The following PEX5L variants were observed in gnomAD, a reference collection of about 807,000 sequenced individuals.
PEX5L encodes PEX5-related protein.
PEX5L carries 30 observed loss-of-function variants against 84.0 expected under a neutral mutation model. That is an observed-to-expected ratio of 0.36 (90% confidence interval 0.27 to 0.48). The LOEUF (loss-of-function observed/expected upper bound fraction) is 0.48, where lower values mean the gene tolerates loss of function less well. Ranked by LOEUF, PEX5L falls within the 20% of genes least tolerant of loss-of-function variation. The pLI is 0.99. For synonymous variants in PEX5L, 270 were observed against 283.1 expected, an observed-to-expected ratio of 0.95 and a Z score of 0.46; for missense variants, 533 against 754.6, an observed-to-expected ratio of 0.71 and a Z score of 3.44.
intron 2 of PEX5L, among the ~76,000 whole-genome samples, chr3:179,905,653 A>AT (rs35967860): frequency 0.16 from 23,527 of 147,288 alleles, 1,917 homozygotes; most frequent in South Asian, 0.31. Flanking sequence ...AGTTCTTGCC[A>AT]TTTTTTTTTT....
chr3:179,943,459 T>C (rs1253681176), intron 2 of PEX5L, among the ~76,000 whole-genome samples: 1 of 152,246 alleles, frequency 6.6e-6, no homozygotes, highest in East Asian at 1.9e-4. Flanking sequence ...TTATCCAAAG[T>C]ATTTAAATGT....
At chr3:179,981,508 C>T (rs1025318742) in intron 1 of PEX5L, among the ~76,000 whole-genome samples, 10 of 152,138 alleles carry the variant, frequency 6.6e-5, no homozygotes, top group African/African-American at 2.2e-4. Flanking sequence ...TCATTCATCA[C>T]TTTGTGTATC....
At chr3:180,027,282 C>T (rs1285127259) in intron 1 of PEX5L, among the ~76,000 whole-genome samples, 2 of 152,204 alleles carry the variant, frequency 1.3e-5, no homozygotes, top group Non-Finnish European at 2.9e-5. Flanking sequence ...CTGGACCCTT[C>T]ACCCCTAGCC....
chr3:179,900,421 A>C (rs978419615), intron 2 of PEX5L, among the ~76,000 whole-genome samples: 12 of 152,184 alleles, frequency 7.9e-5, no homozygotes, highest in African/African-American at 2.9e-4. Context: ...AAAAAATTTC[A>C]GGTCAATTTT....
At chr3:179,879,647 T>C (rs778888996) in intron 5 of PEX5L, among the ~76,000 whole-genome samples, 6 of 152,234 alleles carry the variant, frequency 3.9e-5, no homozygotes, top group Admixed American at 2.0e-4. Context: ...GCACATTTTA[T>C]CTTTATTTGT....
intron 1 of PEX5L, among the ~76,000 whole-genome samples, chr3:180,013,916 A>T (rs1303596232): frequency 6.6e-6 from 1 of 152,130 alleles, no homozygotes; most frequent in Non-Finnish European, 1.5e-5. Flanking sequence ...TCAAATTTTA[A>T]TTTTTTCATT....
intron 7 of PEX5L, among the ~76,000 whole-genome samples, chr3:179,872,170 C>T (rs1323473531): frequency 1.3e-5 from 2 of 152,216 alleles, no homozygotes; most frequent in Admixed American, 1.3e-4. Context: ...AGGCGTGAGC[C>T]ACTGTGCTCA....
chr3:179,874,499 T>C, intron 6 of PEX5L, 76 bp from the exon 7 acceptor site: 1 of 762,178 alleles, frequency 1.3e-6, no homozygotes. Context: ...AGAAACTAGG[T>C]AATTTGGATC....
At position 179,979,250 on chromosome 3, in the gene PEX5L, A is replaced by T. The variant is rs576118348; in HGVS notation, c.22-7585T>A. On this transcript the variant is annotated intron_variant, in intron 1 of 14. Transcript: ENST00000467460. ...ACCCTCAAAACCAAATTCAAATTTT[A>T]AAAAAAAAACAAAGATAATGTTCTT... Among the ~76,000 whole-genome samples, 1,207 of 150,514 alleles carry T rather than the reference A, an allele frequency of 8.0e-3. 11 individuals are homozygous for T. Among genetic ancestry groups the T allele is most frequent in the African/African-American group, 0.017 (706 of 41,086 alleles).
chr3:179,886,237 G>A (rs944968582), intron 4 of PEX5L, among the ~76,000 whole-genome samples: 4 of 152,136 alleles, frequency 2.6e-5, no homozygotes, highest in East Asian at 1.9e-4. Context: ...GGTAGTTCTC[G>A]AGTTTTGAAG....
Position 179,811,857 on chromosome 3 carries a change from G to A in PEX5L, c.1098C>T (p.Leu366=), listed in dbSNP as rs372381155. The change falls in exon 11 of 15, where the codon CTC becomes CTT. Residue 366 remains leucine, a synonymous_variant. Transcript: ENST00000467460. ...DPGDAEAWQF[L]GITQAENENE... ...TTTCATTCTCCGCCTGGGTTATCCC[G>A]AGGAACTGCCATGCCTACGAAAGAC... The A allele has an allele frequency of 3.1e-6, 5 of 1,613,428 alleles. No individual in the cohort carries two copies. Among genetic ancestry groups the A allele is most frequent in the East Asian group, 4.5e-5 (2 of 44,894 alleles).
At chr3:180,028,290 G>T (rs1462713483) in intron 1 of PEX5L, among the ~76,000 whole-genome samples, 1 of 152,046 alleles carries the variant, frequency 6.6e-6, no homozygotes, top group East Asian at 1.9e-4. Flanking sequence ...GAGAAACAGT[G>T]GTGAACACCT....
chr3:179,922,481 C>T (rs986670482), intron 2 of PEX5L, among the ~76,000 whole-genome samples: 4 of 143,778 alleles, frequency 2.8e-5, no homozygotes, highest in East Asian at 4.0e-4. Flanking sequence ...AGGAGTCTTG[C>T]TCTGTTGCCC....
intron 1 of PEX5L, among the ~76,000 whole-genome samples, chr3:180,021,582 G>A (rs1467929283): frequency 1.3e-5 from 2 of 152,158 alleles, no homozygotes; most frequent in Admixed American, 1.3e-4. Flanking sequence ...TATGAGAGAG[G>A]AGCGGATGAC....
At chr3:179,903,274 G>A (rs7616101) in intron 2 of PEX5L, among the ~76,000 whole-genome samples, 42,743 of 151,820 alleles carry the variant, frequency 0.28, 6,605 homozygotes, top group East Asian at 0.61. Flanking sequence ...AGGCTGGAGT[G>A]CAGTGGTGTG....
chr3:179,824,598 C>A (rs962868059), intron 8 of PEX5L, among the ~76,000 whole-genome samples: 1 of 148,190 alleles, frequency 6.7e-6, no homozygotes, highest in Non-Finnish European at 1.5e-5. Flanking sequence ...CCCAGCTACT[C>A]GGGAGGCTGA....
intron 8 of PEX5L, among the ~76,000 whole-genome samples, chr3:179,826,626 G>A (rs1730598194): frequency 6.6e-6 from 1 of 152,110 alleles, no homozygotes; most frequent in African/African-American, 2.4e-5. Flanking sequence ...TGGGCAGAGG[G>A]TCTTGGGGTT....
intron 2 of PEX5L, among the ~76,000 whole-genome samples, chr3:179,929,243 AG>A (rs1267207310): frequency 6.6e-6 from 1 of 152,176 alleles, no homozygotes; most frequent in Non-Finnish European, 1.5e-5. Flanking sequence ...AGCTGACAGC[AG>A]GGGGCAGCAG....
chr3:179,838,581 C>T lies in PEX5L; in HGVS notation c.823-18605G>A, dbSNP rs140347678. Among the ~76,000 whole-genome samples, 163 of 152,202 alleles carry T rather than the reference C, an allele frequency of 1.1e-3. 2 individuals are homozygous for T. The Middle Eastern group carries it at 0.014, about 13-fold the overall frequency. The stretch of plus-strand genomic sequence containing the variant: ...CTGGGAAATTTTACATTGTTATGTA[C>T]AAAACATCACTATCCTTGTTGCTGC... On this transcript the variant is annotated intron_variant, in intron 8 of 14. Transcript: ENST00000467460.
Sources: gnomAD v4.1 joint callset for allele counts (sites outside exome capture counted in the v4.1 genomes callset) on GRCh38, gnomAD v4.1.1 for gene constraint, MANE v1.5 for transcripts, NCBI Gene and HGNC (gene_info 2026-07-23, HGNC 2026-07-21) for gene names.